WNK2: variants seen among roughly 807,000 people sequenced by gnomAD.
WNK2 encodes serine/threonine-protein kinase WNK2.
In WNK2, 67 loss-of-function variants were observed where a neutral mutation model predicts 192.1. That is an observed-to-expected ratio of 0.35 (90% confidence interval 0.29 to 0.43). WNK2 has a LOEUF of 0.43. Ranked by LOEUF, WNK2 falls within the 20% of genes least tolerant of loss-of-function variation. The pLI, the probability that WNK2 is intolerant of heterozygous loss-of-function variation, is 1.00. For synonymous variants in WNK2, 1,439 were observed against 1,393.9 expected (o/e 1.03, Z -0.72); for missense variants, 2,698 against 3,089.7 (o/e 0.87, Z 3.01).
chr9:93,253,744 C>T (rs895001748), intron 9 of WNK2, among the ~76,000 whole-genome samples: 4 of 152,048 alleles, frequency 2.6e-5, no homozygotes, highest in African/African-American at 7.2e-5. Context: ...TTGATTCCCA[C>T]GGGAAAGACT....
At chr9:93,202,938 C>T (rs1832741987) in intron 2 of WNK2, among the ~76,000 whole-genome samples, 1 of 152,148 alleles carries the variant, frequency 6.6e-6, no homozygotes, top group African/African-American at 2.4e-5. Context: ...AGGACCACAT[C>T]TAAGGCCATT....
At chr9:93,240,804 G>A (rs1334845093) in intron 7 of WNK2, among the ~76,000 whole-genome samples, 2 of 152,134 alleles carry the variant, frequency 1.3e-5, no homozygotes, top group Admixed American at 6.5e-5. Flanking sequence ...CAGTAAAATC[G>A]CCACTGCCCA....
At chr9:93,251,403 C>T (rs988231410) in intron 8 of WNK2, among the ~76,000 whole-genome samples, 1 of 152,060 alleles carries the variant, frequency 6.6e-6, no homozygotes, top group Non-Finnish European at 1.5e-5. Flanking sequence ...AGGCATGAGC[C>T]ACCATGCCCG....
chr9:93,192,545 C>T (rs1455457763), intron 2 of WNK2, among the ~76,000 whole-genome samples: 2 of 150,452 alleles, frequency 1.3e-5, no homozygotes, highest in African/African-American at 2.5e-5. Flanking sequence ...CCTGGGTAGG[C>T]ACCCCAGGAG....
chr9:93,233,224 G>C (rs914708939), intron 4 of WNK2, among the ~76,000 whole-genome samples: 1 of 150,130 alleles, frequency 6.7e-6, no homozygotes, highest in Non-Finnish European at 1.5e-5. Context: ...AAAATTGCTA[G>C]TGCAGCAAAT....
At chr9:93,314,152 G>A (rs955844388) in intron 28 of WNK2, among the ~76,000 whole-genome samples, 1 of 152,014 alleles carries the variant, frequency 6.6e-6, no homozygotes, top group Admixed American at 6.5e-5. Flanking sequence ...CATGGTGGTG[G>A]GCTTCTGTAA....
At chr9:93,300,731 C>T (rs1220450440) in intron 26 of WNK2, among the ~76,000 whole-genome samples, 3 of 152,184 alleles carry the variant, frequency 2.0e-5, no homozygotes, top group Admixed American at 6.5e-5. Context: ...ACCCTGCACA[C>T]CCACCGCCCT....
intron 28 of WNK2, among the ~76,000 whole-genome samples, chr9:93,311,681 A>C (rs144645638): frequency 0.024 from 3,661 of 151,014 alleles, 153 homozygotes; most frequent in African/African-American, 0.084. Flanking sequence ...GCTGGAGTGC[A>C]ATGACACGAT....
At chr9:93,240,654 G>A (rs1212634393) in intron 7 of WNK2, among the ~76,000 whole-genome samples, 1 of 152,114 alleles carries the variant, frequency 6.6e-6, no homozygotes, top group Non-Finnish European at 1.5e-5. Context: ...AGTGGTCCAG[G>A]TGCAGTGGTA....
chr9:93,265,158 G>A (rs1040057385), intron 16 of WNK2, among the ~76,000 whole-genome samples: 2 of 152,212 alleles, frequency 1.3e-5, no homozygotes, highest in African/African-American at 2.4e-5. Flanking sequence ...TACAGTGGTC[G>A]GGAAGACTTT....
intron 19 of WNK2, among the ~76,000 whole-genome samples, chr9:93,272,505 A>G (rs1287632341): frequency 6.6e-6 from 1 of 151,806 alleles, no homozygotes; most frequent in Non-Finnish European, 1.5e-5. Context: ...TGGGAGCCCA[A>G]GTTCGGGGGG....
rs1459544201 is a variant in WNK2 at position 93,320,478 on chromosome 9, C to T, written c.*86C>T. On this transcript the variant is annotated 3_prime_UTR_variant, in exon 30 of 30. Transcript: ENST00000427277. ...GGCCAGCTGCTCCTCCTGTCCAGTT[C>T]ACGCTGTTTTGTAACCACTTTCTAA... 1 of 1,320,004 alleles carries T rather than the reference C, an allele frequency of 7.6e-7. No individual in the cohort carries two copies. The highest frequency in any genetic ancestry group is 1.0e-6 in the Non-Finnish European group (1 of 980,958). The allele number at this position is 1,320,004 out of a possible 1,614,324, so 81.8% of individuals were successfully genotyped here.
chr9:93,290,044 A>G lies in WNK2; in HGVS notation c.4933A>G (p.Thr1645Ala). The change falls in exon 21 of 30, where the codon ACA becomes GCA. Residue 1645 changes from threonine (T) to alanine (A), a missense_variant. Around this residue, in one of 7 missense-constraint regions of WNK2, gnomAD observed 1,098 missense variants for 1,101.0 expected, o/e 1.00. Coordinates refer to ENST00000427277, the MANE Select transcript of WNK2 (RefSeq NM_006648.4). The part of the protein sequence containing the change: ...VMEQGTSSSM[T>A]AESSPRSMLG... ...GGAGCAGGGCACGTCCTCGTCAATG[A>G]CAGGTAACAGCTTCCTGCTGAACCC... is the stretch of plus-strand genomic sequence containing the variant. The G allele has an allele frequency of 1.9e-6, 3 of 1,567,058 alleles. No individual in the cohort carries two copies.
intron 26 of WNK2, among the ~76,000 whole-genome samples, chr9:93,303,319 T>C (rs1240077441): frequency 6.6e-6 from 1 of 152,148 alleles, no homozygotes; most frequent in African/African-American, 2.4e-5. Flanking sequence ...GTTCTGCTTG[T>C]CAGAAGCTGG....
intron 19 of WNK2, chr9:93,269,070 C>A: frequency 1.1e-6 from 1 of 903,974 alleles, no homozygotes; most frequent in Admixed American, 2.1e-5. Context: ...TGCTCCTGTC[C>A]CTTTCCTCTG....
At chr9:93,223,280 C>T (rs565991851) in intron 2 of WNK2, among the ~76,000 whole-genome samples, 3 of 152,312 alleles carry the variant, frequency 2.0e-5, no homozygotes, top group South Asian at 2.1e-4. Context: ...AGTGGCGCCC[C>T]GTTGCCTGGC....
chr9:93,241,683 T>C (rs180914455), intron 7 of WNK2, among the ~76,000 whole-genome samples: 247 of 152,276 alleles, frequency 1.6e-3, no homozygotes, highest in Admixed American at 5.9e-3. Flanking sequence ...CTTGGGCCCT[T>C]GGAGCCAGGA....
chr9:93,258,849 C>CT (rs1485843466), intron 11 of WNK2, 82 bp from the exon 12 acceptor site: 2 of 1,268,810 alleles, frequency 1.6e-6, no homozygotes, highest in African/African-American at 2.9e-5. Flanking sequence ...TCCCCAATGA[C>CT]TGTGGCTGTC....
intron 2 of WNK2, among the ~76,000 whole-genome samples, chr9:93,188,323 C>T (rs1179769941): frequency 1.3e-5 from 2 of 152,166 alleles, no homozygotes; most frequent in Non-Finnish European, 2.9e-5. Flanking sequence ...GGAGAAACGC[C>T]TTCATGTGGA....
Sources: gnomAD v4.1 joint callset for allele counts (sites outside exome capture counted in the v4.1 genomes callset) on GRCh38, gnomAD v4.1.1 for gene constraint, gnomAD v4.1.1 regional missense constraint, MANE v1.5 for transcripts, NCBI Gene and HGNC (gene_info 2026-07-23, HGNC 2026-07-21) for gene names.